XRN1: variants seen among roughly 807,000 people sequenced by gnomAD.
XRN1 encodes the protein 5'-3' exoribonuclease 1.
A neutral mutation model predicts 222.3 loss-of-function variants in XRN1; 67 were observed. The observed-to-expected ratio is 0.30, with a 90% CI of 0.25 to 0.37. The LOEUF is 0.37. XRN1 is among the 10% of genes least tolerant of loss of function. The probability of loss-of-function intolerance (pLI) is 1.00; values close to 1 mark genes in which losing one functional copy is unlikely to be tolerated. For missense variants in XRN1, 1,707 were observed against 2,000.2 expected, an observed-to-expected ratio of 0.85 and a Z score of 2.80; for synonymous variants, 643 against 652.4, an observed-to-expected ratio of 0.99 and a Z score of 0.22.
intron 1 of XRN1, among the ~76,000 whole-genome samples, chr3:142,446,281 T>C (rs1264479739): frequency 2.0e-5 from 3 of 152,248 alleles, no homozygotes; most frequent in Non-Finnish European, 4.4e-5. Flanking sequence ...TAAGTTCTAC[T>C]TAACAGAGAA....
At chr3:142,343,195 C>T (rs1302803174) in intron 33 of XRN1, among the ~76,000 whole-genome samples, 2 of 152,274 alleles carry the variant, frequency 1.3e-5, no homozygotes, top group Middle Eastern at 3.4e-3. Context: ...GGCGCTCACA[C>T]CTGTAATCCC....
Position 142,311,522 on chromosome 3 carries a change from G to T in XRN1, c.5074C>A (p.Pro1692Thr), listed in dbSNP as rs774708522. 36 of 1,605,960 alleles carry T rather than the reference G, an allele frequency of 2.2e-5. No homozygotes were observed. The highest frequency in any genetic ancestry group is 7.7e-6 in the Non-Finnish European group (9 of 1,175,170). Residue 1692 changes from proline (P) to threonine (T), a missense_variant, in exon 41 of 41, where the codon CCT (proline) becomes ACT (threonine). Pro to Thr is a conservative substitution (Grantham distance 38, BLOSUM62 -1). Coordinates refer to ENST00000392981, the MANE Select transcript of XRN1 (RefSeq NM_001282857.2). Reference protein sequence around the residue: ...KLAVNFGVSKPSE With the variant: ...KLAVNFGVSKTSE ...TCTAAGAGCCAAATTTACTCAGAAG[G>T]TTTAGAAACACCAAAATTAACAGCC...
rs1485873684 is a variant in XRN1, at chr3:142,418,803, C to G, written c.1240+12G>C. The stretch of plus-strand genomic sequence containing the variant: ...AAGTAGTAACATATCAAAACACATA[C>G]TTCATACTTACCCTTAGAAGTTATC... On this transcript the variant is annotated intron_variant, in intron 11 of 40. Coordinates refer to ENST00000392981, the MANE Select transcript of XRN1 (RefSeq NM_001282857.2). 6.2e-7 allele frequency: 1 copy of G among 1,613,104 alleles called. No individual in the cohort carries two copies. The highest frequency in any genetic ancestry group is 8.5e-7 in the Non-Finnish European group (1 of 1,179,338).
chr3:142,416,728 T>C (rs1165066777), intron 13 of XRN1, among the ~76,000 whole-genome samples: 4 of 152,066 alleles, frequency 2.6e-5, no homozygotes, highest in Non-Finnish European at 4.4e-5. Context: ...TATGGAACTT[T>C]TAAAAAATTA....
chr3:142,323,425 G>C (rs1027852284), intron 37 of XRN1, among the ~76,000 whole-genome samples: 2 of 151,664 alleles, frequency 1.3e-5, no homozygotes, highest in Non-Finnish European at 2.9e-5. Flanking sequence ...CAAGTGATCC[G>C]CCTGCCTTGG....
intron 32 of XRN1, among the ~76,000 whole-genome samples, chr3:142,348,486 T>A (rs944104132): frequency 1.1e-4 from 17 of 152,218 alleles, no homozygotes; most frequent in African/African-American, 4.1e-4. Context: ...TCAGATCCTT[T>A]CATTTTTGGA....
chr3:142,418,490 T>C lies in XRN1; in HGVS notation c.1346+14A>G. Reference sequence around the variant, plus strand: ...TTTTTCTATTTTAAAATAAAAGCATTGGCAAAAACGTACTCAGATACTACG... The same window carrying C: ...TTTTTCTATTTTAAAATAAAAGCATCGGCAAAAACGTACTCAGATACTACG... On this transcript the variant is annotated intron_variant, in intron 12 of 40. Transcript: ENST00000392981. The C allele has an allele frequency of 1.9e-6, 3 of 1,567,990 alleles. No homozygotes were observed. In the South Asian group the frequency reaches 3.5e-5, roughly 18 times the overall value.
At position 142,403,768 on chromosome 3, in the gene XRN1, A is replaced by G. The variant is rs2108029631; in HGVS notation, c.2009T>C (p.Phe670Ser). The G allele has an allele frequency of 1.2e-6, 2 of 1,612,374 alleles. No individual in the cohort carries two copies. Among genetic ancestry groups the G allele is most frequent in the Non-Finnish European group, 1.7e-6 (2 of 1,179,100 alleles). Residue 670 changes from phenylalanine (F) to serine (S), a missense_variant, in exon 18 of 41, where the codon TTT becomes TCT. By Grantham distance (155) the Phe-to-Ser change is radical (BLOSUM62 -2). Transcript: ENST00000392981. ...TACTTGAACACCACTTTTCTTCAAA[A>G]AAAACTTTAAAAGAATTCAAATAAT... ...PTLKHIRHKF[F>S]LKKSGVQVFQ...
chr3:142,340,247 T>C (rs746235572), intron 33 of XRN1, among the ~76,000 whole-genome samples: 2 of 151,798 alleles, frequency 1.3e-5, no homozygotes, highest in African/African-American at 2.4e-5. Context: ...CCCAGCTACT[T>C]GGGAGGCTGA....
chr3:142,409,239 T>C (rs1247550285), intron 15 of XRN1, among the ~76,000 whole-genome samples: 3 of 152,246 alleles, frequency 2.0e-5, no homozygotes, highest in African/African-American at 7.2e-5. Flanking sequence ...TTATGGTTAG[T>C]GATTTCAGAA....
chr3:142,376,524 G>C lies in XRN1; in HGVS notation c.2786C>G (p.Ser929Ter). The C allele has an allele frequency of 6.2e-7, 1 of 1,613,224 alleles. No homozygotes were observed. Among genetic ancestry groups the C allele is most frequent in the Non-Finnish European group, 8.5e-7 (1 of 1,179,540 alleles). Reference sequence around the variant, plus strand: ...AATAAAAATACTTCCTGTAAACCTTGAAACAAGGTATCCACTCACTCCAAG... The same window carrying C: ...AATAAAAATACTTCCTGTAAACCTTCAAACAAGGTATCCACTCACTCCAAG... ...SRLGVSGYLVSRFTGSIFIGR... is the reference protein window; with the variant it reads ...SRLGVSGYLV The change falls in exon 24 of 41, where the codon TCA (serine) becomes TGA (stop). Residue 929 changes from serine to a stop codon, truncating the protein, a stop_gained. Coordinates refer to ENST00000392981, the MANE Select transcript of XRN1 (RefSeq NM_001282857.2). LOFTEE classifies it high-confidence loss of function.
rs189961558 is a variant in XRN1, at chr3:142,392,500, G to C, written c.2339+4829C>G. Reference sequence around the variant, plus strand: ...TCCCACCACCCCACAACAGTCCCCAGAGTGTGATATTCCCCTTCCTGTGTC... The same window carrying C: ...TCCCACCACCCCACAACAGTCCCCACAGTGTGATATTCCCCTTCCTGTGTC... On this transcript the variant is annotated intron_variant, in intron 20 of 40. Coordinates refer to ENST00000392981, the MANE Select transcript of XRN1 (RefSeq NM_001282857.2). 6.4e-4 allele frequency among the ~76,000 whole-genome samples: 98 copies of C among 152,186 alleles called. 1 individual carries two copies. The East Asian group carries it at 0.017, about 26-fold the overall frequency.
At position 142,371,231 on chromosome 3, in the gene XRN1, T is replaced by C. The variant is rs1434035390; in HGVS notation, c.3068+8A>G. 3.7e-6 allele frequency: 6 copies of C among 1,608,642 alleles called. No homozygotes were observed. Among genetic ancestry groups the C allele is most frequent in the Non-Finnish European group, 5.1e-6 (6 of 1,176,506 alleles). ...TATGAGGTAATAAATATCATAAATCTTGCTTACCCATTCTCATTTTCTCCA... is the reference window on the plus strand; with the variant it reads ...TATGAGGTAATAAATATCATAAATCCTGCTTACCCATTCTCATTTTCTCCA... On this transcript the variant is annotated splice_region_variant and intron_variant, in intron 26 of 40. Transcript: ENST00000392981.
intron 2 of XRN1, among the ~76,000 whole-genome samples, chr3:142,431,357 T>C (rs2069515742): frequency 6.6e-6 from 1 of 152,134 alleles, no homozygotes. Context: ...GAACTGTAAC[T>C]ACAGTGATGT....
intron 31 of XRN1, 116 bp from the exon 32 acceptor site, chr3:142,355,612 C>CT (rs879524233): frequency 5.4e-3 from 3,154 of 578,988 alleles, no homozygotes; most frequent in South Asian, 6.6e-3. Context: ...GATATTAAAC[C>CT]TTTTTTTTTT....
chr3:142,394,238 T>C (rs1356712410), intron 20 of XRN1, among the ~76,000 whole-genome samples: 1 of 152,220 alleles, frequency 6.6e-6, no homozygotes, highest in Non-Finnish European at 1.5e-5. Flanking sequence ...CTAAACTCTC[T>C]TGCCTCTTTG....
intron 32 of XRN1, among the ~76,000 whole-genome samples, chr3:142,347,601 CT>C (rs879328678): frequency 1.5e-3 from 220 of 144,786 alleles, no homozygotes; most frequent in Middle Eastern, 7.1e-3. Context: ...AAAAATGCTA[CT>C]TTTTTTTTTT....
At chr3:142,339,026 A>T (rs530254900) in intron 33 of XRN1, among the ~76,000 whole-genome samples, 1 of 152,294 alleles carries the variant, frequency 6.6e-6, no homozygotes, top group East Asian at 1.9e-4. Context: ...ACTTCCCTAA[A>T]GGGAAGGACA....
intron 26 of XRN1, 122 bp from the exon 27 acceptor site, chr3:142,370,742 A>T: frequency 1.3e-6 from 1 of 753,188 alleles, no homozygotes; most frequent in South Asian, 3.0e-5. Context: ...ACTAATTCTA[A>T]ATCTAATATA....
Sources: gnomAD v4.1 joint callset for allele counts (sites outside exome capture counted in the v4.1 genomes callset) on GRCh38, gnomAD v4.1.1 for gene constraint, MANE v1.5 for transcripts, NCBI Gene and HGNC (gene_info 2026-07-23, HGNC 2026-07-21) for gene names.